Variants in PLEKHA5 observed in about 807,000 individuals in gnomAD.
PLEKHA5 encodes pleckstrin homology domain containing A5.
In PLEKHA5, 55 loss-of-function variants were observed where a neutral mutation model predicts 181.9. The observed-to-expected ratio is 0.30, with a 90% CI of 0.24 to 0.38. The LOEUF (loss-of-function observed/expected upper bound fraction) is 0.38, where lower values mean the gene tolerates loss of function less well. Among genes scored for constraint, PLEKHA5 ranks in the 10% least tolerant of loss-of-function variants. PLEKHA5 has a pLI of 1.00. For synonymous variants in PLEKHA5, 535 were observed against 529.4 expected (o/e 1.01, Z -0.15); for missense variants, 1,432 against 1,549.5 (o/e 0.92, Z 1.27).
intron 25 of PLEKHA5, among the ~76,000 whole-genome samples, chr12:19,352,024 CGA>C (rs1203003382): frequency 5.5e-5 from 8 of 144,348 alleles, no homozygotes; most frequent in Non-Finnish European, 8.9e-5. Flanking sequence ...TACAGTGAGC[CGA>C]GATCACGCCA....
chr12:19,267,669 C>T (rs1418295793), intron 8 of PLEKHA5, among the ~76,000 whole-genome samples: 1 of 137,666 alleles, frequency 7.3e-6, no homozygotes, highest in Non-Finnish European at 1.5e-5. Flanking sequence ...CTCCCCCAAC[C>T]CCCCAAAAAA....
At chr12:19,160,942 T>C (rs2042825108) in intron 3 of PLEKHA5, among the ~76,000 whole-genome samples, 1 of 152,152 alleles carries the variant, frequency 6.6e-6, no homozygotes, top group African/African-American at 2.4e-5. Context: ...TTAGTAATAG[T>C]AAAAGCGTAC....
intron 3 of PLEKHA5, among the ~76,000 whole-genome samples, chr12:19,199,397 T>C (rs550494865): frequency 1.3e-5 from 2 of 152,320 alleles, no homozygotes; most frequent in Non-Finnish European, 2.9e-5. Context: ...GTCAGTGTGT[T>C]GTACTGAGGA....
intron 3 of PLEKHA5, among the ~76,000 whole-genome samples, chr12:19,223,639 G>A (rs2059301722): frequency 6.6e-6 from 1 of 152,166 alleles, no homozygotes; most frequent in African/African-American, 2.4e-5. Context: ...TTGGGCATTT[G>A]TAATAGGTAT....
intron 31 of PLEKHA5, chr12:19,372,745 G>A (rs1012630457): frequency 6.6e-6 from 1 of 150,540 alleles, no homozygotes; most frequent in African/African-American, 2.4e-5. Context: ...TGTCACTTGT[G>A]TTTAAGCCTT....
chr12:19,310,114 T>G (rs912337863), intron 15 of PLEKHA5, among the ~76,000 whole-genome samples: 3 of 152,216 alleles, frequency 2.0e-5, no homozygotes, highest in African/African-American at 7.2e-5. Flanking sequence ...TATTACCTGT[T>G]ACTTCAAAGA....
intron 2 of PLEKHA5, among the ~76,000 whole-genome samples, chr12:19,131,680 T>C (rs2033901915): frequency 6.6e-6 from 1 of 152,216 alleles, no homozygotes; most frequent in Admixed American, 6.5e-5. Flanking sequence ...TCACTTTTTT[T>C]TTTTTCTGGT....
chr12:19,287,612 G>A, intron 13 of PLEKHA5, 56 bp downstream of exon 13: 3 of 934,620 alleles, frequency 3.2e-6, no homozygotes, highest in South Asian at 1.4e-5. Flanking sequence ...GCACAGGAAG[G>A]TACATATCTA....
At chr12:19,242,278 A>G (rs2062787075) in intron 3 of PLEKHA5, among the ~76,000 whole-genome samples, 1 of 150,992 alleles carries the variant, frequency 6.6e-6, no homozygotes, top group Non-Finnish European at 1.5e-5. Flanking sequence ...TCACTCTGTC[A>G]TCCAGGCTGG....
At chr12:19,172,040 T>G (rs2046015265) in intron 3 of PLEKHA5, among the ~76,000 whole-genome samples, 1 of 152,200 alleles carries the variant, frequency 6.6e-6, no homozygotes, top group African/African-American at 2.4e-5. Flanking sequence ...AGTTAGCTTC[T>G]TTTAATAAGT....
intron 21 of PLEKHA5, among the ~76,000 whole-genome samples, chr12:19,342,145 T>C (rs1413938336): frequency 1.3e-5 from 2 of 152,210 alleles, no homozygotes; most frequent in East Asian, 3.8e-4. Context: ...AAAGTATTGT[T>C]CTAGGCAATG....
intron 3 of PLEKHA5, among the ~76,000 whole-genome samples, chr12:19,204,317 G>A (rs977756117): frequency 6.6e-6 from 1 of 152,110 alleles, no homozygotes; most frequent in Non-Finnish European, 1.5e-5. Flanking sequence ...TGAGCTTGGT[G>A]CATGTCAAGT....
At chr12:19,174,435 A>G (rs1291236594) in intron 3 of PLEKHA5, among the ~76,000 whole-genome samples, 1 of 152,168 alleles carries the variant, frequency 6.6e-6, no homozygotes, top group Non-Finnish European at 1.5e-5. Flanking sequence ...TTGTTATAAT[A>G]TGATTTGAGT....
intron 3 of PLEKHA5, chr12:19,151,274 T>C (rs1248956999): frequency 2.6e-5 from 4 of 152,178 alleles, no homozygotes; most frequent in African/African-American, 9.7e-5. Flanking sequence ...ACCATTTCCA[T>C]AGGTAGTTAA....
At chr12:19,228,213 G>A (rs1011747668) in intron 3 of PLEKHA5, among the ~76,000 whole-genome samples, 3 of 152,254 alleles carry the variant, frequency 2.0e-5, no homozygotes, top group Middle Eastern at 3.4e-3. Context: ...TTTAGTAGCT[G>A]TTTGTGGCCT....
At chr12:19,374,519 C>T (rs1200924144) in intron 31 of PLEKHA5, among the ~76,000 whole-genome samples, 2 of 151,162 alleles carry the variant, frequency 1.3e-5, no homozygotes, top group Admixed American at 6.6e-5. Context: ...ATTAGCTGGG[C>T]GTGGTGGCAT....
At chr12:19,207,724 A>G (rs1565466974) in intron 3 of PLEKHA5, 1 of 152,166 alleles carries the variant, frequency 6.6e-6, no homozygotes, top group Non-Finnish European at 1.5e-5. Context: ...AAAAGGAAAA[A>G]CTGTAATATA....
intron 15 of PLEKHA5, chr12:19,303,413 G>C (rs2082166065): frequency 6.6e-6 from 1 of 152,008 alleles, no homozygotes; most frequent in Non-Finnish European, 1.5e-5. Context: ...TATTTTTTCT[G>C]AGTTCAGAGC....
At chr12:19,313,448 TATTA>T (rs752304978) in intron 15 of PLEKHA5, among the ~76,000 whole-genome samples, 6 of 152,202 alleles carry the variant, frequency 3.9e-5, no homozygotes, top group South Asian at 2.1e-4. Context: ...AAAATTAATT[TATTA>T]ATTAATCAGG....
Sources: allele counts gnomAD v4.1 joint callset (sites outside exome capture counted in the v4.1 genomes callset), GRCh38; gene constraint gnomAD v4.1.1; transcripts MANE v1.5; gene names NCBI Gene and HGNC (gene_info 2026-07-23, HGNC 2026-07-21).